Variants in WNT2B observed in about 807,000 individuals in gnomAD.
WNT2B encodes the protein Wnt family member 2B.
WNT2B carries 19 observed loss-of-function variants against 40.5 expected under a neutral mutation model. The observed-to-expected ratio is 0.47, with a 90% CI of 0.33 to 0.69. The LOEUF is 0.69. Ranked by LOEUF, WNT2B falls within the 30% of genes least tolerant of loss-of-function variation. WNT2B has a pLI of 0.02. For missense variants in WNT2B, 467 were observed against 556.4 expected (o/e 0.84, Z 1.62); for synonymous variants, 220 against 211.9 (o/e 1.04, Z -0.33).
At position 112,522,258 on chromosome 1, in the gene WNT2B, G is replaced by C. The variant is rs910644900; in HGVS notation, c.*1749G>C. 6.6e-6 allele frequency: 1 copy of C among 152,148 alleles called. No individual in the cohort carries two copies. The highest frequency in any genetic ancestry group is 1.5e-5 in the Non-Finnish European group (1 of 68,068). 9.4% of individuals were successfully genotyped at this position (152,148 alleles called of 1,614,324 possible). A position where few individuals can be genotyped will look rare whatever the true frequency, so the allele number is the denominator to read the frequency against. On this transcript the variant is annotated 3_prime_UTR_variant, in exon 5 of 5. Coordinates refer to ENST00000369684, the MANE Select transcript of WNT2B (RefSeq NM_024494.3). The stretch of plus-strand genomic sequence containing the variant: ...TTGCCCAGGCTGGTCTTGAATTCTT[G>C]GTCTCAAGCAATCCTCCCACTGCAG...
chr1:112,490,460 C>T (rs1651560992), intron 1 of WNT2B, among the ~76,000 whole-genome samples: 1 of 151,632 alleles, frequency 6.6e-6, no homozygotes, highest in Admixed American at 6.6e-5. Flanking sequence ...GATAAGAGAA[C>T]AATAAATTAC....
intron 1 of WNT2B, among the ~76,000 whole-genome samples, chr1:112,497,708 C>T (rs1651819636): frequency 6.6e-6 from 1 of 152,216 alleles, no homozygotes; most frequent in South Asian, 2.1e-4. Context: ...TTGGTTTTCT[C>T]TCTAAACATG....
chr1:112,508,942 G>A (rs929281420), upstream of WNT2B: 93 of 1,177,958 alleles, frequency 7.9e-5, no homozygotes, highest in Admixed American at 9.7e-5. This position sits in a 1 kb window ranked among gnomAD's most constrained non-coding sequence, Gnocchi z 4.2. Flanking sequence ...TCCAATGAGA[G>A]CCCGCGGCCG....
At chr1:112,473,179 G>T (rs1200642987) in intron 1 of WNT2B, among the ~76,000 whole-genome samples, 1 of 136,306 alleles carries the variant, frequency 7.3e-6, no homozygotes, top group Admixed American at 7.4e-5. Flanking sequence ...AAGGGAGGGC[G>T]GGAGGGACAG....
chr1:112,477,344 A>G (rs1651083259), intron 1 of WNT2B, among the ~76,000 whole-genome samples: 1 of 152,154 alleles, frequency 6.6e-6, no homozygotes, highest in African/African-American at 2.4e-5. Flanking sequence ...TAGAACCACC[A>G]CACCCAACTC....
chr1:112,504,885 C>T (rs115190060), upstream of WNT2B, among the ~76,000 whole-genome samples: 1,574 of 152,172 alleles, frequency 0.01, 29 homozygotes, highest in African/African-American at 0.036. Flanking sequence ...GGAAGGGGAG[C>T]CTTCTGGAGG....
Position 112,517,462 on chromosome 1 carries a change from A to G in WNT2B, c.946+77A>G, listed in dbSNP as rs1652616329. 3.7e-5 allele frequency: 55 copies of G among 1,502,938 alleles called. No homozygotes were observed. In the South Asian group the frequency reaches 7.2e-4, roughly 20 times the overall value. 93.1% of individuals were successfully genotyped at this position (1,502,938 alleles called of 1,614,324 possible). ...ACCCCTGGTTAATCATGGTCTGTTC[A>G]GTCTCAGGAGTTAGGGAAGGGGGTG... On this transcript the variant is annotated intron_variant, in intron 4 of 4. Transcript: ENST00000369684.
rs1310944717 is a variant in WNT2B, at chr1:112,527,582, A to T, written c.*7073A>T. On this transcript the variant is annotated 3_prime_UTR_variant, in exon 5 of 5. Transcript: ENST00000369684. The stretch of plus-strand genomic sequence containing the variant: ...ACTCCTGGAAAAGAGGCAGAGCAGG[A>T]GAGTGTTGAATGAGCTGCTGATGAC... 1.3e-5 allele frequency: 2 copies of T among 152,690 alleles called. No homozygotes were observed. The highest frequency in any genetic ancestry group is 2.9e-5 in the Non-Finnish European group (2 of 68,052). The allele number at this position is 152,690 out of a possible 1,614,324, so 9.5% of individuals were successfully genotyped here. A position where few individuals can be genotyped will look rare whatever the true frequency, so the allele number is the denominator to read the frequency against.
At chr1:112,507,592 C>A (rs1357980234), upstream of WNT2B, among the ~76,000 whole-genome samples, 1 of 152,214 alleles carries the variant, frequency 6.6e-6, no homozygotes, top group Non-Finnish European at 1.5e-5. Flanking sequence ...TCTCCACTAT[C>A]TCTGTCTCTG....
intron 1 of WNT2B, among the ~76,000 whole-genome samples, chr1:112,474,198 T>C (rs1193994251): frequency 6.6e-6 from 1 of 152,070 alleles, no homozygotes; most frequent in Non-Finnish European, 1.5e-5. Context: ...CAGGCTGGAG[T>C]GTGGTGGCAC....
Position 112,516,244 on chromosome 1 carries a change from C to G in WNT2B, c.508C>G (p.Pro170Ala). ...TGAACTGAGTGTGTGCAGCTGTGAC[C>G]CCTACACCCGTGGCCGACACCATGA... ...QGELSVCSCDPYTRGRHHDQR... is the reference protein window; with the variant it reads ...QGELSVCSCDAYTRGRHHDQR... Residue 170 changes from proline (P) to alanine (A), a missense_variant, in exon 3 of 5, where the codon CCC becomes GCC. This residue lies in a region of WNT2B where 330 missense variants were observed against 438.6 expected (regional missense o/e 0.75). Transcript: ENST00000369684. The G allele has an allele frequency of 6.2e-7, 1 of 1,613,946 alleles. No individual in the cohort carries two copies. Among genetic ancestry groups the G allele is most frequent in the East Asian group, 2.2e-5 (1 of 44,860 alleles).
chr1:112,484,643 G>A (rs1386176273), intron 1 of WNT2B, among the ~76,000 whole-genome samples: 2 of 150,720 alleles, frequency 1.3e-5, no homozygotes, highest in Non-Finnish European at 3.0e-5. Context: ...GCATGTGCCT[G>A]TAGTCCTAGC....
chr1:112,468,790 T>C (rs1650785207), intron 1 of WNT2B, among the ~76,000 whole-genome samples: 1 of 152,186 alleles, frequency 6.6e-6, no homozygotes, highest in African/African-American at 2.4e-5. Context: ...TTCTGCTACA[T>C]AGAAGTTTTT....
chr1:112,503,610 G>A (rs528801528), intron 1 of WNT2B, among the ~76,000 whole-genome samples: 1 of 152,136 alleles, frequency 6.6e-6, no homozygotes, highest in South Asian at 2.1e-4. Context: ...AGAGAGTGAA[G>A]AAAGAGCAAG....
intron 1 of WNT2B, among the ~76,000 whole-genome samples, chr1:112,512,162 C>A (rs1652377878): frequency 6.6e-6 from 1 of 151,976 alleles, no homozygotes; most frequent in South Asian, 2.1e-4. Flanking sequence ...CAACTGTTGA[C>A]AAGTAAAGCT....
chr1:112,500,141 C>T (rs1313905336), intron 1 of WNT2B, among the ~76,000 whole-genome samples: 1 of 152,194 alleles, frequency 6.6e-6, no homozygotes, highest in Non-Finnish European at 1.5e-5. Context: ...AAGGTAGTGA[C>T]TCTCCAAGAG....
chr1:112,493,308 C>G (rs565085415), intron 1 of WNT2B, among the ~76,000 whole-genome samples: 5 of 152,280 alleles, frequency 3.3e-5, no homozygotes, highest in Non-Finnish European at 7.3e-5. Context: ...GCACATAAGG[C>G]TACCTCAAAA....
chr1:112,496,459 T>A (rs1651770788), intron 1 of WNT2B, among the ~76,000 whole-genome samples: 1 of 152,232 alleles, frequency 6.6e-6, no homozygotes, highest in South Asian at 2.1e-4. Flanking sequence ...CAGTCTCATC[T>A]AAATCACATA....
intron 1 of WNT2B, among the ~76,000 whole-genome samples, chr1:112,478,339 T>G (rs151069851): frequency 5.2e-4 from 79 of 151,966 alleles, no homozygotes; most frequent in South Asian, 2.9e-3. Context: ...GAGAGAGATA[T>G]AGACATCCAG....
Sources: allele counts gnomAD v4.1 joint callset (sites outside exome capture counted in the v4.1 genomes callset), GRCh38; gene constraint gnomAD v4.1.1; regional missense constraint gnomAD v4.1.1; non-coding constraint Gnocchi (gnomAD v3.1); transcripts MANE v1.5; gene names NCBI Gene and HGNC (gene_info 2026-07-23, HGNC 2026-07-21).